The following EPHA6 variants were observed in gnomAD, a reference collection of about 807,000 sequenced individuals.
EPHA6 encodes the protein EPH receptor A6, also known as ephrin type-A receptor 6.
Under a neutral mutation model 112.0 loss-of-function variants are expected in EPHA6, and 50 were observed. The observed-to-expected ratio is 0.45, with a 90% CI of 0.36 to 0.56. The LOEUF is 0.56. Among genes scored for constraint, EPHA6 ranks in the 20% least tolerant of loss-of-function variants. EPHA6 has a pLI of 0.00. For synonymous variants in EPHA6, 529 were observed against 490.7 expected (o/e 1.08, Z -1.03); for missense variants, 1,280 against 1,417.4 (o/e 0.90, Z 1.56).
At chr3:97,106,904 A>G (rs1394177240) in intron 3 of EPHA6, among the ~76,000 whole-genome samples, 4 of 152,252 alleles carry the variant, frequency 2.6e-5, no homozygotes, top group African/African-American at 9.6e-5. Flanking sequence ...TAACTTATCA[A>G]GTGTATAGAG....
intron 3 of EPHA6, among the ~76,000 whole-genome samples, chr3:97,072,209 A>G (rs1432226590): frequency 6.6e-6 from 1 of 152,158 alleles, no homozygotes; most frequent in Non-Finnish European, 1.5e-5. Context: ...TCTATCCATA[A>G]AAAGGAATGA....
At chr3:97,078,132 C>G (rs2046597291) in intron 3 of EPHA6, among the ~76,000 whole-genome samples, 1 of 152,158 alleles carries the variant, frequency 6.6e-6, no homozygotes, top group African/African-American at 2.4e-5. Context: ...ATTTGCATTT[C>G]TCTGATGAAC....
At chr3:97,713,467 G>GT (rs1204374963) in intron 14 of EPHA6, among the ~76,000 whole-genome samples, 1 of 152,130 alleles carries the variant, frequency 6.6e-6, no homozygotes, top group Non-Finnish European at 1.5e-5. Context: ...AAACAATGCT[G>GT]TTTACCATCG....
chr3:97,183,309 A>G lies in EPHA6; in HGVS notation c.1115-42955A>G, dbSNP rs558749298. On this transcript the variant is annotated intron_variant, in intron 3 of 17. Coordinates refer to ENST00000389672, the MANE Select transcript of EPHA6 (RefSeq NM_001080448.3). ...TTAAGTACAATTCCATAACCCTGAA[A>G]AAATGTTAATTATCACTAGATGTGA... Among the ~76,000 whole-genome samples, 5 of 152,256 alleles carry G rather than the reference A, an allele frequency of 3.3e-5. No homozygotes were observed. The East Asian group carries it at 9.7e-4, about 29-fold the overall frequency.
intron 2 of EPHA6, among the ~76,000 whole-genome samples, chr3:96,940,494 C>T (rs887553816): frequency 6.6e-5 from 10 of 152,068 alleles, no homozygotes; most frequent in Non-Finnish European, 8.8e-5. Context: ...GTGTGTTTCT[C>T]TGCACGTGAG....
chr3:96,974,260 C>A (rs1035767109), intron 2 of EPHA6, among the ~76,000 whole-genome samples: 4 of 147,818 alleles, frequency 2.7e-5, no homozygotes, highest in African/African-American at 9.8e-5. Context: ...AATTTTAAAA[C>A]CTGGCTTTTT....
chr3:97,318,868 C>A (rs192114126), intron 5 of EPHA6, among the ~76,000 whole-genome samples: 1 of 151,626 alleles, frequency 6.6e-6, no homozygotes, highest in Non-Finnish European at 1.5e-5. Flanking sequence ...TTCAAGTGAA[C>A]ATTTATTGAG....
intron 3 of EPHA6, among the ~76,000 whole-genome samples, chr3:97,115,242 TA>T (rs534988402): frequency 6.6e-4 from 101 of 152,004 alleles, no homozygotes; most frequent in Non-Finnish European, 6.2e-4. Flanking sequence ...TTTTGGGTCA[TA>T]TTACGTAGAA....
rs2047798710 is a variant in EPHA6, at chr3:97,113,787, T to G, written c.1115-112477T>G. Among the ~76,000 whole-genome samples the G allele has an allele frequency of 1.3e-5, 2 of 152,106 alleles. 1 individual carries two copies. Among genetic ancestry groups the G allele is most frequent in the South Asian group, 4.1e-4 (2 of 4,832 alleles). On this transcript the variant is annotated intron_variant, in intron 3 of 17. Coordinates refer to ENST00000389672, the MANE Select transcript of EPHA6 (RefSeq NM_001080448.3). ...GCATTTGTCATTGTCATGTAAAGAG[T>G]TCTTTCAAAAATTGCCTAGTAGCAA...
intron 5 of EPHA6, 193 bp downstream of exon 5, chr3:97,244,480 A>G (rs2078931816): frequency 7.0e-6 from 4 of 568,994 alleles, no homozygotes; most frequent in East Asian, 2.8e-5. Flanking sequence ...TCTCAGCAGT[A>G]TGAATAATAA....
intron 3 of EPHA6, among the ~76,000 whole-genome samples, chr3:97,021,018 G>A (rs2044439929): frequency 1.3e-5 from 2 of 152,114 alleles, no homozygotes; most frequent in Admixed American, 1.3e-4. Flanking sequence ...CTTCAGCATA[G>A]ATATCTAAAT....
intron 11 of EPHA6, among the ~76,000 whole-genome samples, chr3:97,534,287 C>T (rs529344260): frequency 3.3e-5 from 5 of 152,078 alleles, no homozygotes; most frequent in Admixed American, 2.0e-4. Context: ...TATACGTATA[C>T]GTTACCATTT....
intron 7 of EPHA6, among the ~76,000 whole-genome samples, chr3:97,450,082 A>T (rs917903689): frequency 6.6e-6 from 1 of 152,130 alleles, no homozygotes; most frequent in African/African-American, 2.4e-5. Context: ...TATATCAGTA[A>T]TAGTCATTTA....
chr3:97,734,294 C>A (rs1386853802), intron 15 of EPHA6, among the ~76,000 whole-genome samples: 1 of 152,000 alleles, frequency 6.6e-6, no homozygotes, highest in African/African-American at 2.4e-5. Context: ...AAATGGAATT[C>A]TATGCTATTT....
chr3:97,205,271 A>G (rs945622915), intron 3 of EPHA6, among the ~76,000 whole-genome samples: 17 of 152,224 alleles, frequency 1.1e-4, no homozygotes, highest in Admixed American at 9.2e-4. Context: ...AGAAAAGTTT[A>G]AAATATTTAG....
At chr3:97,269,852 A>G (rs2079822878) in intron 5 of EPHA6, among the ~76,000 whole-genome samples, 3 of 152,262 alleles carry the variant, frequency 2.0e-5, no homozygotes, top group South Asian at 4.1e-4. Context: ...CAAAGTATAC[A>G]AGAAAAAAAT....
At chr3:97,512,554 A>G (rs895514184) in intron 10 of EPHA6, among the ~76,000 whole-genome samples, 2 of 152,166 alleles carry the variant, frequency 1.3e-5, no homozygotes, top group South Asian at 2.1e-4. Context: ...AAGCCCTCCA[A>G]TGAAAATACT....
chr3:97,373,919 T>C (rs986120140), intron 5 of EPHA6, among the ~76,000 whole-genome samples: 1 of 152,184 alleles, frequency 6.6e-6, no homozygotes, highest in Admixed American at 6.6e-5. Flanking sequence ...ATAATTCTTA[T>C]AACAAAAGAA....
chr3:97,074,743 A>T (rs1474099641), intron 3 of EPHA6, among the ~76,000 whole-genome samples: 1 of 152,050 alleles, frequency 6.6e-6, no homozygotes, highest in Non-Finnish European at 1.5e-5. Context: ...GTCAACAAAT[A>T]ATGGAAACAA....
Sources: gnomAD v4.1 joint callset for allele counts (sites outside exome capture counted in the v4.1 genomes callset) on GRCh38, gnomAD v4.1.1 for gene constraint, MANE v1.5 for transcripts, NCBI Gene and HGNC (gene_info 2026-07-23, HGNC 2026-07-21) for gene names.